Variants in LRMDA observed in about 807,000 individuals in gnomAD.
The protein encoded by LRMDA is leucine-rich melanocyte differentiation-associated protein.
A neutral mutation model predicts 29.8 loss-of-function variants in LRMDA; 18 were observed. That is an observed-to-expected ratio of 0.60 (90% CI 0.42 to 0.90). The LOEUF (loss-of-function observed/expected upper bound fraction) is 0.90, where lower values mean the gene tolerates loss of function less well. LRMDA is among the 40% of genes least tolerant of loss of function. The pLI is 0.00. For missense variants in LRMDA, 273 were observed against 273.9 expected (o/e 1.00, Z 0.02); for synonymous variants, 125 against 109.4 (o/e 1.14, Z -0.89).
chr10:75,836,631 C>A (rs1844442018), intron 2 of LRMDA, among the ~76,000 whole-genome samples: 1 of 151,996 alleles, frequency 6.6e-6, no homozygotes, highest in Non-Finnish European at 1.5e-5. Flanking sequence ...AAATGAGCAC[C>A]CTACCTTTGA....
chr10:75,632,628 T>C (rs1186793373), intron 2 of LRMDA, among the ~76,000 whole-genome samples: 1 of 151,980 alleles, frequency 6.6e-6, no homozygotes, highest in Non-Finnish European at 1.5e-5. Context: ...AAAAAAAAGA[T>C]CAGATTTTCT....
At chr10:75,474,446 C>A (rs1589154060) in intron 2 of LRMDA, among the ~76,000 whole-genome samples, 1 of 152,170 alleles carries the variant, frequency 6.6e-6, no homozygotes, top group Admixed American at 6.5e-5. Flanking sequence ...GCAGAAGGGG[C>A]AAGGGGTCTG....
At chr10:76,532,921 C>T (rs1564568855) in intron 6 of LRMDA, among the ~76,000 whole-genome samples, 1 of 152,172 alleles carries the variant, frequency 6.6e-6, no homozygotes, top group Non-Finnish European at 1.5e-5. Context: ...ATGAATATGA[C>T]ATGCCTCTTA....
At chr10:76,152,389 T>C (rs1850462012) in intron 5 of LRMDA, among the ~76,000 whole-genome samples, 5 of 152,254 alleles carry the variant, frequency 3.3e-5, no homozygotes, top group Admixed American at 3.3e-4. Flanking sequence ...TTCCATTGTA[T>C]AGATATACCA....
At chr10:75,940,236 A>C (rs1281016104) in intron 2 of LRMDA, among the ~76,000 whole-genome samples, 1 of 152,098 alleles carries the variant, frequency 6.6e-6, no homozygotes, top group African/African-American at 2.4e-5. Context: ...AAAATACAGA[A>C]GGCATTATTG....
At chr10:75,545,110 G>A (rs1053175064) in intron 2 of LRMDA, among the ~76,000 whole-genome samples, 1 of 152,178 alleles carries the variant, frequency 6.6e-6, no homozygotes, top group Non-Finnish European at 1.5e-5. Context: ...TTGGGGTGGG[G>A]TGGTTGCTGC....
At chr10:76,514,140 G>A (rs529709970) in intron 6 of LRMDA, among the ~76,000 whole-genome samples, 8 of 152,190 alleles carry the variant, frequency 5.3e-5, no homozygotes, top group Non-Finnish European at 7.4e-5. Flanking sequence ...CCATACTCTC[G>A]TCCCTAAATG....
chr10:76,231,770 G>C (rs1251147686), intron 5 of LRMDA, among the ~76,000 whole-genome samples: 1 of 152,188 alleles, frequency 6.6e-6, no homozygotes, highest in Non-Finnish European at 1.5e-5. Context: ...AAATAGCCTT[G>C]TGACAGAAAC....
At chr10:75,856,725 A>T (rs1844833672) in intron 2 of LRMDA, among the ~76,000 whole-genome samples, 1 of 152,224 alleles carries the variant, frequency 6.6e-6, no homozygotes, top group Non-Finnish European at 1.5e-5. Context: ...AGCCAATATC[A>T]TACTGAATGG....
chr10:75,709,594 C>T (rs11001479), intron 2 of LRMDA, among the ~76,000 whole-genome samples: 7,100 of 152,142 alleles, frequency 0.047, 494 homozygotes, highest in East Asian at 0.35. Context: ...GTCAATTAAT[C>T]GTGCAGAAGT....
intron 5 of LRMDA, among the ~76,000 whole-genome samples, chr10:76,222,324 G>A (rs1223979581): frequency 6.6e-6 from 1 of 152,160 alleles, no homozygotes; most frequent in Non-Finnish European, 1.5e-5. Flanking sequence ...CCATCAGAGT[G>A]AACAGGCAAC....
chr10:75,953,898 G>C (rs1015059662), intron 2 of LRMDA, among the ~76,000 whole-genome samples: 1 of 152,156 alleles, frequency 6.6e-6, no homozygotes, highest in Non-Finnish European at 1.5e-5. Context: ...TCTTAAAAAG[G>C]GGGATTATCC....
intron 2 of LRMDA, among the ~76,000 whole-genome samples, chr10:75,981,258 T>C (rs1202084147): frequency 6.6e-6 from 1 of 152,194 alleles, no homozygotes; most frequent in African/African-American, 2.4e-5. Flanking sequence ...TGTCTGACAA[T>C]TGGAAGATAT....
chr10:75,920,365 C>T (rs921813244), intron 2 of LRMDA, among the ~76,000 whole-genome samples: 3 of 152,098 alleles, frequency 2.0e-5, no homozygotes, highest in Non-Finnish European at 2.9e-5. Context: ...AAGCATCCTT[C>T]GGTGATCATG....
intron 2 of LRMDA, among the ~76,000 whole-genome samples, chr10:75,576,390 C>T (rs911850264): frequency 4.6e-5 from 7 of 152,254 alleles, no homozygotes; most frequent in African/African-American, 1.7e-4. Flanking sequence ...ATAGATAAAA[C>T]CCCCACCTCC....
chr10:76,316,761 A>G (rs143895328), intron 5 of LRMDA, among the ~76,000 whole-genome samples: 6 of 152,358 alleles, frequency 3.9e-5, no homozygotes, highest in African/African-American at 1.2e-4. Flanking sequence ...GTTTGAATAT[A>G]TGACACAAAC....
chr10:76,036,170 C>T, intron 3 of LRMDA, 36 bp downstream of exon 3: 2 of 1,587,970 alleles, frequency 1.3e-6, no homozygotes, highest in Non-Finnish European at 1.7e-6. Flanking sequence ...CCACTCCCCA[C>T]CCAGCCCCAC....
intron 5 of LRMDA, among the ~76,000 whole-genome samples, chr10:76,272,887 AACTC>A (rs1326647539): frequency 1.3e-5 from 2 of 152,166 alleles, no homozygotes; most frequent in Non-Finnish European, 2.9e-5. Flanking sequence ...CTCTTACGAG[AACTC>A]ACTCACTATC....
chr10:75,880,602 T>C (rs1489151478), intron 2 of LRMDA, among the ~76,000 whole-genome samples: 1 of 151,960 alleles, frequency 6.6e-6, no homozygotes, highest in East Asian at 1.9e-4. Context: ...GGTGAGAGGG[T>C]GGGATTTTGT....
Sources: gnomAD v4.1 joint callset for allele counts (sites outside exome capture counted in the v4.1 genomes callset) on GRCh38, gnomAD v4.1.1 for gene constraint, MANE v1.5 for transcripts, NCBI Gene and HGNC (gene_info 2026-07-23, HGNC 2026-07-21) for gene names.